Variants in CPS1 observed in about 807,000 individuals in gnomAD.
CPS1 encodes the protein carbamoyl-phosphate synthase 1, also known as carbamoyl-phosphate synthase [ammonia], mitochondrial.
A neutral mutation model predicts 174.6 loss-of-function variants in CPS1; 109 were observed. The ratio of observed to expected loss-of-function variants is 0.62; its 90% CI spans 0.53 to 0.73. CPS1 has a LOEUF of 0.73. CPS1 is among the 30% of genes least tolerant of loss of function. The pLI is 0.00. For missense variants in CPS1, 1,689 were observed against 1,821.9 expected (o/e 0.93, Z 1.33); for synonymous variants, 637 against 632.0 (o/e 1.01, Z -0.12).
At chr2:210,542,404 T>C (rs1256306214) in intron 1 of CPS1, among the ~76,000 whole-genome samples, 1 of 152,130 alleles carries the variant, frequency 6.6e-6, no homozygotes, top group Admixed American at 6.6e-5. Flanking sequence ...AATTGAAAAG[T>C]CTACATCTTA....
chr2:210,528,732 T>A (rs1696038642), intron 1 of CPS1, among the ~76,000 whole-genome samples: 1 of 151,820 alleles, frequency 6.6e-6, no homozygotes, highest in African/African-American at 2.4e-5. Flanking sequence ...AGATCTCTAT[T>A]TTCCTAATTA....
chr2:210,503,118 A>G (rs993019931), intron 1 of CPS1, among the ~76,000 whole-genome samples: 4 of 152,174 alleles, frequency 2.6e-5, no homozygotes, highest in African/African-American at 9.7e-5. Context: ...AACTCTTCCT[A>G]ACTCTACAGA....
intron 1 of CPS1, among the ~76,000 whole-genome samples, chr2:210,524,006 C>T (rs780412175): frequency 1.1e-4 from 17 of 151,918 alleles, no homozygotes; most frequent in Admixed American, 2.0e-4. Context: ...TTGTATATTC[C>T]GCAAAGTTTT....
intron 6 of CPS1, among the ~76,000 whole-genome samples, chr2:210,584,966 C>T (rs1035493553): frequency 1.3e-5 from 2 of 152,072 alleles, no homozygotes; most frequent in Admixed American, 6.6e-5. Context: ...TTCCCCTTCT[C>T]GCCTGAAGAA....
At chr2:210,592,544 G>A (rs781718262) in intron 10 of CPS1, among the ~76,000 whole-genome samples, 1 of 151,910 alleles carries the variant, frequency 6.6e-6, no homozygotes, top group Non-Finnish European at 1.5e-5. Context: ...TTTCGGACTT[G>A]GGGATAAGAT....
intron 23 of CPS1, 93 bp downstream of exon 23, chr2:210,639,308 T>C (rs1366008010): frequency 2.8e-6 from 3 of 1,053,098 alleles, no homozygotes; most frequent in Non-Finnish European, 4.4e-6. Context: ...TTTGGATATC[T>C]AGGTAATAAA....
intron 1 of CPS1, among the ~76,000 whole-genome samples, chr2:210,548,358 T>C (rs1696618854): frequency 6.6e-6 from 1 of 152,084 alleles, no homozygotes; most frequent in Non-Finnish European, 1.5e-5. Flanking sequence ...TTTGCTTTTT[T>C]AGTTTACAAG....
chr2:210,609,192 T>A (rs1334966871), intron 19 of CPS1, among the ~76,000 whole-genome samples: 1 of 152,034 alleles, frequency 6.6e-6, no homozygotes, highest in South Asian at 2.1e-4. Flanking sequence ...CTATTTGAAA[T>A]TAAAGTTAGC....
chr2:210,587,346 C>T (rs1373079479), intron 6 of CPS1, among the ~76,000 whole-genome samples: 3 of 151,982 alleles, frequency 2.0e-5, no homozygotes, highest in Non-Finnish European at 2.9e-5. Flanking sequence ...CCCTTCTAGG[C>T]TTTCTCTCTA....
intron 1 of CPS1, among the ~76,000 whole-genome samples, chr2:210,528,814 CT>C (rs779266955): frequency 0.014 from 1,664 of 117,650 alleles, 20 homozygotes; most frequent in African/African-American, 0.043. Flanking sequence ...ATCAAGACAA[CT>C]TTTTTTTTTT....
At chr2:210,658,935 C>G (rs1269338143) in intron 31 of CPS1, among the ~76,000 whole-genome samples, 1 of 152,170 alleles carries the variant, frequency 6.6e-6, no homozygotes, top group East Asian at 1.9e-4. Context: ...GGGAAGGTCA[C>G]TGTATGCCAC....
intron 1 of CPS1, among the ~76,000 whole-genome samples, chr2:210,500,395 G>C (rs895268620): frequency 6.6e-6 from 1 of 152,112 alleles, no homozygotes; most frequent in East Asian, 1.9e-4. Flanking sequence ...TTTCATCTGA[G>C]ATAAGGCAAG....
Position 210,606,726 on chromosome 2 carries a change from T to C in CPS1, c.1982-5T>C. On this transcript the variant is annotated splice_region_variant and splice_polypyrimidine_tract_variant and intron_variant, in intron 17 of 37. Transcript: ENST00000233072. ...CCAAGTAATGAGTGCTTCTTGGATA[T>C]ATAGGTGACTCAGTTGTTGTGGCTC... The C allele has an allele frequency of 1.2e-6, 2 of 1,612,148 alleles. No homozygotes were observed. The highest frequency in any genetic ancestry group is 1.7e-6 in the Non-Finnish European group (2 of 1,178,730).
At chr2:210,663,064 A>C in intron 32 of CPS1, 59 bp from the exon 33 acceptor site, 6 of 1,450,006 alleles carry the variant, frequency 4.1e-6, no homozygotes, top group Non-Finnish European at 5.8e-6. Context: ...ATCCTCTCTT[A>C]TTCATTTTCT....
At chr2:210,665,305 G>T (rs1014555837) in intron 33 of CPS1, among the ~76,000 whole-genome samples, 7 of 147,936 alleles carry the variant, frequency 4.7e-5, no homozygotes, top group South Asian at 2.2e-4. Context: ...GCCATCAGTG[G>T]TTTTTTTTTT....
upstream of CPS1, among the ~76,000 whole-genome samples, chr2:210,554,173 A>G (rs1218514318): frequency 7.6e-6 from 1 of 132,262 alleles, no homozygotes; most frequent in African/African-American, 2.9e-5. Context: ...ATACATATGT[A>G]TGTATATATA....
At chr2:210,525,166 C>A (rs1695940126) in intron 1 of CPS1, among the ~76,000 whole-genome samples, 1 of 151,860 alleles carries the variant, frequency 6.6e-6, no homozygotes, top group South Asian at 2.1e-4. Context: ...ACAAGGAAAT[C>A]TTTGGTATGG....
At chr2:210,629,822 G>A (rs1211637903) in intron 21 of CPS1, among the ~76,000 whole-genome samples, 4 of 149,328 alleles carry the variant, frequency 2.7e-5, no homozygotes, top group Non-Finnish European at 5.9e-5. Context: ...AGGCTGAGGC[G>A]GGCAGATCAT....
rs2287600 is a variant in CPS1 at position 210,608,346 on chromosome 2, G to A, written c.2193-15G>A. On this transcript the variant is annotated splice_polypyrimidine_tract_variant and intron_variant, in intron 18 of 37. Coordinates refer to ENST00000233072, the MANE Select transcript of CPS1 (RefSeq NM_001875.5). ...TGCTCGAAGAAAAAAAAATAAATTT[G>A]TCTTCTTTTTATAGCTACCCATTGG... The A allele has an allele frequency of 1.9e-6, 3 of 1,608,970 alleles. No individual in the cohort carries two copies. In the South Asian group the frequency reaches 3.3e-5, roughly 18 times the overall value.
Sources: gnomAD v4.1 joint callset for allele counts (sites outside exome capture counted in the v4.1 genomes callset) on GRCh38, gnomAD v4.1.1 for gene constraint, MANE v1.5 for transcripts, NCBI Gene and HGNC (gene_info 2026-07-23, HGNC 2026-07-21) for gene names.